The following FANCA variants were observed in gnomAD, a reference collection of about 807,000 sequenced individuals.
FANCA encodes the protein FA complementation group A.
In FANCA, 236 loss-of-function variants were observed where a neutral mutation model predicts 194.3. That is an observed-to-expected ratio of 1.21 (90% CI 1.09 to 1.35). The LOEUF is 1.35. FANCA is among the 40% of genes most tolerant of loss of function. The pLI, the probability that FANCA is intolerant of heterozygous loss-of-function variation, is 0.00. For missense variants in FANCA, 2,628 were observed against 1,813.9 expected (o/e 1.45, Z -8.15); for synonymous variants, 1,014 against 715.8 (o/e 1.42, Z -6.65).
intron 28 of FANCA, 143 bp downstream of exon 28, chr16:89,764,747 G>A (rs35214437): frequency 4.0e-6 from 4 of 988,760 alleles, no homozygotes; most frequent in East Asian, 2.4e-5. Flanking sequence ...GAGACAGTCG[G>A]CACACACACA....
At chr16:89,744,862 G>A (rs905282708) in intron 36 of FANCA, 97 bp downstream of exon 36, 68 of 1,128,500 alleles carry the variant, frequency 6.0e-5, no homozygotes, top group African/African-American at 1.7e-4. Context: ...TGCCCACACC[G>A]CTTCTCTCAA....
At chr16:89,763,686 C>T (rs1408292812) in intron 28 of FANCA, among the ~76,000 whole-genome samples, 1 of 152,032 alleles carries the variant, frequency 6.6e-6, no homozygotes, top group Admixed American at 6.6e-5. Context: ...CACCTGTAAT[C>T]CCAGCACTTT....
chr16:89,816,192 G>C lies in FANCA; in HGVS notation c.80-206C>G, dbSNP rs958207738. Reference sequence around the variant, plus strand: ...CGGGGAAGACGGCCCAGGAGGGCCCGAGGCAGGGGAGCCCGGGGACGGCTG... The same window carrying C: ...CGGGGAAGACGGCCCAGGAGGGCCCCAGGCAGGGGAGCCCGGGGACGGCTG... On this transcript the variant is annotated intron_variant, in intron 1 of 42. Transcript: ENST00000389301. 17 of 587,574 alleles carry C rather than the reference G, an allele frequency of 2.9e-5. No individual in the cohort carries two copies. The Admixed American group carries it at 4.2e-4, about 14-fold the overall frequency. The allele number at this position is 587,574 out of a possible 1,614,324, so 36.4% of individuals were successfully genotyped here. A position where few individuals can be genotyped will look rare whatever the true frequency, so the allele number is the denominator to read the frequency against.
intron 10 of FANCA, among the ~76,000 whole-genome samples, chr16:89,797,453 G>A (rs1598161741): frequency 6.6e-6 from 1 of 152,206 alleles, no homozygotes; most frequent in African/African-American, 2.4e-5. Flanking sequence ...CACACAACAG[G>A]GTGTGGGACA....
chr16:89,742,733 G>A, intron 37 of FANCA, 67 bp downstream of exon 37: 2 of 1,551,732 alleles, frequency 1.3e-6, no homozygotes, highest in South Asian at 1.1e-5. Flanking sequence ...GACAAGCCCA[G>A]AGAAATAGCA....
intron 10 of FANCA, among the ~76,000 whole-genome samples, chr16:89,797,413 C>T (rs1196879554): frequency 1.3e-5 from 2 of 152,144 alleles, no homozygotes; most frequent in East Asian, 3.9e-4. Context: ...CCAACGAGGC[C>T]ACGTCGGCTC....
rs554711230 is a variant in FANCA at position 89,780,537 on chromosome 16, T to C, written c.1627-580A>G. Among the ~76,000 whole-genome samples, 205 of 151,578 alleles carry C rather than the reference T, an allele frequency of 1.4e-3. 1 individual carries two copies. Among genetic ancestry groups the C allele is most frequent in the Admixed American group, 3.2e-3 (49 of 15,206 alleles). On this transcript the variant is annotated intron_variant, in intron 17 of 42. Coordinates refer to ENST00000389301, the MANE Select transcript of FANCA (RefSeq NM_000135.4). ...TACTCAGGACGTGGAGGTGGAAGGA[T>C]TGCCTGTGCCCAGGAAATCATGGCT...
chr16:89,815,012 G>A (rs1311424952), intron 2 of FANCA, among the ~76,000 whole-genome samples: 1 of 152,158 alleles, frequency 6.6e-6, no homozygotes, highest in Non-Finnish European at 1.5e-5. Flanking sequence ...CAACCTGTGT[G>A]TAAGTAATGC....
At chr16:89,744,614 G>T (rs546244667) in intron 36 of FANCA, 10 of 365,590 alleles carry the variant, frequency 2.7e-5, no homozygotes, top group Non-Finnish European at 5.3e-5. Flanking sequence ...TCACTCAGAC[G>T]GGAGCCTGGG....
intron 16 of FANCA, 36 bp from the exon 17 acceptor site, chr16:89,782,954 A>C (rs376930885): frequency 6.2e-7 from 1 of 1,613,016 alleles, no homozygotes; most frequent in Non-Finnish European, 8.5e-7. Flanking sequence ...CAAGAAAACA[A>C]AGCAGTTTCT....
intron 27 of FANCA, 35 bp downstream of exon 27, chr16:89,767,106 G>A (rs1345734043): frequency 1.3e-6 from 2 of 1,515,036 alleles, no homozygotes; most frequent in Admixed American, 1.7e-5. Context: ...TGAAACGTAT[G>A]GCAGAATGGA....
intron 14 of FANCA, among the ~76,000 whole-genome samples, chr16:89,789,469 C>G (rs1241562665): frequency 8.4e-6 from 1 of 119,180 alleles, no homozygotes; most frequent in Non-Finnish European, 1.6e-5. Flanking sequence ...GAGACAGAGT[C>G]TTGCTCTGTC....
intron 6 of FANCA, among the ~76,000 whole-genome samples, chr16:89,807,158 G>C (rs1338376589): frequency 6.6e-6 from 1 of 150,914 alleles, no homozygotes; most frequent in Admixed American, 6.6e-5. Context: ...GAGATAAGAT[G>C]TGTATATCCT....
At position 89,796,007 on chromosome 16, in the gene FANCA, A is replaced by T. The variant is rs563424315; in HGVS notation, c.905T>A (p.Phe302Tyr). Residue 302 changes from phenylalanine to tyrosine, a missense_variant, in exon 11 of 43, where the codon TTC (phenylalanine) becomes TAC (tyrosine). Phe to Tyr is a conservative substitution (Grantham distance 22). Transcript: ENST00000389301. Reference sequence around the variant, plus strand: ...TACACTGCCAAGCGTGTGTCCACTGAACACTCCGAACCTGCCAATGCAGCA... The same window carrying T: ...TACACTGCCAAGCGTGTGTCCACTGTACACTCCGAACCTGCCAATGCAGCA... The part of the protein sequence containing the change: ...HKIVRCWFGV[F>Y]SGHTLGSVIS... 2 of 1,613,972 alleles carry T rather than the reference A, an allele frequency of 1.2e-6. No homozygotes were observed. Among genetic ancestry groups the T allele is most frequent in the African/African-American group, 1.3e-5 (1 of 75,072 alleles).
chr16:89,765,107 G>C (rs577117354), intron 27 of FANCA, 41 bp from the exon 28 acceptor site: 2 of 1,608,712 alleles, frequency 1.2e-6, no homozygotes, highest in Admixed American at 1.7e-5. Context: ...CATTGCGCAA[G>C]TTTCACTGTG....
rs2151711032 is a variant in FANCA at position 89,738,988 on chromosome 16, A to G, written c.4168-14T>C. 9 of 1,614,226 alleles carry G rather than the reference A, an allele frequency of 5.6e-6. No individual in the cohort carries two copies. Among genetic ancestry groups the G allele is most frequent in the Non-Finnish European group, 7.6e-6 (9 of 1,180,044 alleles). On this transcript the variant is annotated splice_polypyrimidine_tract_variant and intron_variant, in intron 41 of 42. Coordinates refer to ENST00000389301, the MANE Select transcript of FANCA (RefSeq NM_000135.4). ...CACGGGGTTGCCCTAGAGAGAAAAC[A>G]GGCAAACTCACAGGTTAGAAGACAT...
intron 38 of FANCA, 135 bp downstream of exon 38, chr16:89,740,669 G>GTTCT: frequency 1.4e-6 from 1 of 697,696 alleles, no homozygotes; most frequent in Non-Finnish European, 2.5e-6. Flanking sequence ...CGGCCTGGGA[G>GTTCT]TTCTCACTCA....
intron 22 of FANCA, among the ~76,000 whole-genome samples, chr16:89,772,352 C>T (rs1178950562): frequency 6.6e-6 from 1 of 152,236 alleles, no homozygotes; most frequent in Non-Finnish European, 1.5e-5. Flanking sequence ...CACTCAGGAA[C>T]TGGCGCACTT....
chr16:89,752,510 C>T (rs935402346), intron 30 of FANCA, among the ~76,000 whole-genome samples: 1 of 152,132 alleles, frequency 6.6e-6, no homozygotes, highest in Non-Finnish European at 1.5e-5. Context: ...CGAGCTGTTC[C>T]AGTATAATAA....
Sources: gnomAD v4.1 joint callset for allele counts (sites outside exome capture counted in the v4.1 genomes callset) on GRCh38, gnomAD v4.1.1 for gene constraint, MANE v1.5 for transcripts, NCBI Gene and HGNC (gene_info 2026-07-23, HGNC 2026-07-21) for gene names.